The following RBFOX1 variants were observed in gnomAD, a reference collection of about 807,000 sequenced individuals.
The protein encoded by RBFOX1 is RNA binding protein fox-1 homolog 1.
In RBFOX1, 8 loss-of-function variants were observed where a neutral mutation model predicts 57.7. The ratio of observed to expected loss-of-function variants is 0.14; its 90% CI spans 0.08 to 0.25. RBFOX1 has a LOEUF of 0.25. RBFOX1 is among the 10% of genes least tolerant of loss of function. The pLI is 1.00. For synonymous variants in RBFOX1, 326 were observed against 222.4 expected, an observed-to-expected ratio of 1.47 and a Z score of -4.15; for missense variants, 611 against 548.5, an observed-to-expected ratio of 1.11 and a Z score of -1.14.
chr16:6,074,948 T>TA (rs112859136), intron 1 of RBFOX1, among the ~76,000 whole-genome samples: 1,605 of 151,610 alleles, frequency 0.011, 31 homozygotes, highest in African/African-American at 0.036. Flanking sequence ...AAAAGATAAT[T>TA]AAAAAAAATA....
chr16:5,884,997 T>C (rs567853222), intron 4 of RBFOX1, among the ~76,000 whole-genome samples: 32 of 152,314 alleles, frequency 2.1e-4, no homozygotes, highest in African/African-American at 7.2e-4. Context: ...CTAGAACCAA[T>C]GCTTTTGGAG....
chr16:6,755,347 C>T (rs1195552212), intron 3 of RBFOX1, among the ~76,000 whole-genome samples: 1 of 152,136 alleles, frequency 6.6e-6, no homozygotes, highest in South Asian at 2.1e-4. Context: ...TATTTCTCCA[C>T]ATCCTCTCCA....
At chr16:6,453,477 C>A (rs1199573797) in intron 2 of RBFOX1, among the ~76,000 whole-genome samples, 5 of 152,110 alleles carry the variant, frequency 3.3e-5, no homozygotes, top group African/African-American at 1.2e-4. Context: ...CAAGACTAAA[C>A]CAGGAAGAAG....
At chr16:7,348,894 A>G (rs1328708828) in intron 4 of RBFOX1, among the ~76,000 whole-genome samples, 1 of 152,096 alleles carries the variant, frequency 6.6e-6, no homozygotes, top group Admixed American at 6.6e-5. Flanking sequence ...GTGAGCCAAG[A>G]TTACGCCACT....
intron 3 of RBFOX1, among the ~76,000 whole-genome samples, chr16:5,786,646 C>G (rs2054509636): frequency 1.3e-5 from 2 of 152,160 alleles, no homozygotes; most frequent in East Asian, 3.9e-4. Context: ...CCTTAGCATG[C>G]CCACTGCCCT....
At chr16:7,079,068 C>T (rs938719691) in intron 4 of RBFOX1, among the ~76,000 whole-genome samples, 4 of 151,640 alleles carry the variant, frequency 2.6e-5, no homozygotes, top group African/African-American at 9.7e-5. Flanking sequence ...CTCATGACAG[C>T]CTGAAGTCTT....
chr16:5,659,648 G>C (rs531552318), intron 3 of RBFOX1, among the ~76,000 whole-genome samples: 9 of 152,044 alleles, frequency 5.9e-5, no homozygotes, highest in Non-Finnish European at 8.8e-5. Flanking sequence ...TTAAACCTGG[G>C]GTTAGTGGAT....
At chr16:6,191,129 G>GTTTTTTTTTTTTTTTTTTTTT (rs5815289) in intron 1 of RBFOX1, among the ~76,000 whole-genome samples, 1 of 133,946 alleles carries the variant, frequency 7.5e-6, no homozygotes, top group Non-Finnish European at 1.6e-5. Context: ...TGCGTCTGTG[G>GTTTTTTTTTTTTTTTTTTTTT]TTTTTTTTTT....
At chr16:6,695,083 C>T (rs1234346754) in intron 3 of RBFOX1, among the ~76,000 whole-genome samples, 1 of 152,032 alleles carries the variant, frequency 6.6e-6, no homozygotes, top group Admixed American at 6.6e-5. Context: ...AATGCTATTT[C>T]AGAAAGCCCT....
chr16:6,462,174 A>G (rs1179564424), intron 2 of RBFOX1, among the ~76,000 whole-genome samples: 1 of 152,182 alleles, frequency 6.6e-6, no homozygotes, highest in East Asian at 1.9e-4. Context: ...TTAACCCAAC[A>G]CAGAACTCTT....
At chr16:6,054,463 T>C (rs778089364) in intron 1 of RBFOX1, among the ~76,000 whole-genome samples, 5 of 152,212 alleles carry the variant, frequency 3.3e-5, no homozygotes, top group Non-Finnish European at 7.3e-5. Flanking sequence ...TCTTTCCCAC[T>C]TGACAGACTA....
chr16:5,308,649 A>G (rs2064001311), intron 1 of RBFOX1, among the ~76,000 whole-genome samples: 2 of 152,164 alleles, frequency 1.3e-5, no homozygotes, highest in Non-Finnish European at 2.9e-5. Context: ...TGTAAATATT[A>G]TTCTTTTCAG....
chr16:7,465,874 G>T (rs1432909460), intron 4 of RBFOX1, among the ~76,000 whole-genome samples: 3 of 152,170 alleles, frequency 2.0e-5, no homozygotes, highest in African/African-American at 7.2e-5. Flanking sequence ...ACTGTTATCT[G>T]TTCATACATA....
intron 4 of RBFOX1, among the ~76,000 whole-genome samples, chr16:6,001,545 T>A (rs1567241345): frequency 6.6e-6 from 1 of 152,142 alleles, no homozygotes; most frequent in Admixed American, 6.5e-5. Flanking sequence ...TTTAACAATG[T>A]TTTCCCGAGA....
chr16:6,890,840 A>G (rs956460052), intron 3 of RBFOX1, among the ~76,000 whole-genome samples: 3 of 152,206 alleles, frequency 2.0e-5, no homozygotes, highest in Non-Finnish European at 4.4e-5. Flanking sequence ...AGGTGAAAAT[A>G]GCACTTAGCA....
Position 5,776,033 on chromosome 16 carries a change from A to G in RBFOX1, c.319-91270A>G, listed in dbSNP as rs576794013. Among the ~76,000 whole-genome samples the G allele has an allele frequency of 2.4e-4, 35 of 148,612 alleles. 1 individual carries two copies. In the South Asian group the frequency reaches 6.4e-3, roughly 27 times the overall value. ...GGGCAAAGAGCTCTTCAAGAGCCCAATGAATCTTAATAAAAAATGGAAATG... is the reference window on the plus strand; with the variant it reads ...GGGCAAAGAGCTCTTCAAGAGCCCAGTGAATCTTAATAAAAAATGGAAATG... On this transcript the variant is annotated intron_variant, in intron 3 of 19. Transcript: ENST00000641259.
At chr16:7,044,141 C>T (rs1484384849) in intron 3 of RBFOX1, among the ~76,000 whole-genome samples, 10 of 152,026 alleles carry the variant, frequency 6.6e-5, no homozygotes, top group Non-Finnish European at 1.0e-4. Flanking sequence ...TGTCTGACAT[C>T]CAGAAGGTGC....
chr16:6,628,702 C>T (rs1567950792), intron 2 of RBFOX1, among the ~76,000 whole-genome samples: 1 of 152,032 alleles, frequency 6.6e-6, no homozygotes, highest in Non-Finnish European at 1.5e-5. Flanking sequence ...AATATACAAA[C>T]CTTGAAGGGA....
At chr16:5,737,339 C>A (rs1471120296) in intron 3 of RBFOX1, among the ~76,000 whole-genome samples, 5 of 151,882 alleles carry the variant, frequency 3.3e-5, no homozygotes, top group African/African-American at 4.8e-5. Context: ...CAAAAAGTTA[C>A]CCAGGCGTGG....
Sources: gnomAD v4.1 joint callset for allele counts (sites outside exome capture counted in the v4.1 genomes callset) on GRCh38, gnomAD v4.1.1 for gene constraint, MANE v1.5 for transcripts, NCBI Gene and HGNC (gene_info 2026-07-23, HGNC 2026-07-21) for gene names.